KCNQ5: variants seen among roughly 807,000 people sequenced by gnomAD.
KCNQ5 encodes the protein potassium voltage-gated channel subfamily Q member 5, also known as potassium voltage-gated channel subfamily KQT member 5.
A neutral mutation model predicts 98.2 loss-of-function variants in KCNQ5; 30 were observed. The ratio of observed to expected loss-of-function variants is 0.31; its 90% CI spans 0.23 to 0.41. The LOEUF (loss-of-function observed/expected upper bound fraction) is 0.41, where lower values mean the gene tolerates loss of function less well. KCNQ5 is among the 10% of genes least tolerant of loss of function. The pLI is 1.00. For missense variants in KCNQ5, 835 were observed against 1,182.5 expected (o/e 0.71, Z 4.31); for synonymous variants, 458 against 449.4 (o/e 1.02, Z -0.24).
intron 1 of KCNQ5, among the ~76,000 whole-genome samples, chr6:72,643,697 A>G (rs1361574251): frequency 1.3e-5 from 2 of 152,166 alleles, no homozygotes; most frequent in Non-Finnish European, 2.9e-5. Flanking sequence ...AGCATTTCAG[A>G]TAAGGGATAC....
chr6:72,990,542 T>C (rs953053580), intron 1 of KCNQ5, among the ~76,000 whole-genome samples: 1 of 73,606 alleles, frequency 1.4e-5, no homozygotes, highest in Non-Finnish European at 2.5e-5. Context: ...GCTTATCAGC[T>C]TAAGGAGATT....
chr6:73,190,786 C>A, intron 12 of KCNQ5, 82 bp downstream of exon 12: 3 of 796,018 alleles, frequency 3.8e-6, no homozygotes, highest in South Asian at 4.0e-5. Flanking sequence ...TAGAGTAAAC[C>A]TCTGAACTCC....
chr6:72,746,227 G>C (rs1771399200), intron 1 of KCNQ5, among the ~76,000 whole-genome samples: 1 of 137,060 alleles, frequency 7.3e-6, no homozygotes, highest in Admixed American at 7.0e-5. Context: ...TATTCTGTGG[G>C]ATACTTCCCC....
intron 1 of KCNQ5, among the ~76,000 whole-genome samples, chr6:72,688,390 C>G (rs1768057116): frequency 1.3e-5 from 2 of 152,156 alleles, no homozygotes; most frequent in African/African-American, 4.8e-5. Flanking sequence ...TTATCTTTAT[C>G]CTTCTTCATT....
At chr6:73,078,925 G>C (rs1176144783) in intron 5 of KCNQ5, among the ~76,000 whole-genome samples, 1 of 152,106 alleles carries the variant, frequency 6.6e-6, no homozygotes, top group African/African-American at 2.4e-5. Context: ...GAATGACATG[G>C]GATATAGGAG....
chr6:72,848,867 C>G (rs1777123165), intron 1 of KCNQ5, among the ~76,000 whole-genome samples: 1 of 152,098 alleles, frequency 6.6e-6, no homozygotes, highest in Non-Finnish European at 1.5e-5. Flanking sequence ...TGTTTGCTTC[C>G]CCTTCTGCCA....
intron 6 of KCNQ5, among the ~76,000 whole-genome samples, chr6:73,110,218 A>AT (rs1475913358): frequency 6.6e-6 from 1 of 151,444 alleles, no homozygotes; most frequent in East Asian, 2.0e-4. Flanking sequence ...TTGAAGTTTA[A>AT]TAAAAAACTA....
chr6:73,148,617 T>C (rs1243135142), intron 10 of KCNQ5, among the ~76,000 whole-genome samples: 2 of 152,232 alleles, frequency 1.3e-5, no homozygotes, highest in Non-Finnish European at 2.9e-5. Context: ...ATGTTTTACC[T>C]GCCATAGGTA....
intron 1 of KCNQ5, among the ~76,000 whole-genome samples, chr6:72,674,184 GTCTA>G (rs1164601364): frequency 1.3e-5 from 2 of 151,888 alleles, no homozygotes; most frequent in South Asian, 2.1e-4. Flanking sequence ...CTGCCTATCT[GTCTA>G]TCTATCTGTC....
chr6:73,124,702 A>G, intron 9 of KCNQ5, 190 bp downstream of exon 9: 1 of 608,680 alleles, frequency 1.6e-6, no homozygotes, highest in Non-Finnish European at 2.9e-6. Context: ...GTCTTTCCCT[A>G]ACTCACTCCC....
At chr6:73,068,434 T>G (rs758087996) in intron 3 of KCNQ5, among the ~76,000 whole-genome samples, 1 of 152,232 alleles carries the variant, frequency 6.6e-6, no homozygotes, top group Non-Finnish European at 1.5e-5. Context: ...CATAATGTTT[T>G]GTGGCTGTAT....
At chr6:72,776,031 CTAATG>C (rs1192839618) in intron 1 of KCNQ5, among the ~76,000 whole-genome samples, 1 of 152,148 alleles carries the variant, frequency 6.6e-6, no homozygotes, top group East Asian at 1.9e-4. Flanking sequence ...AGGTACCCTA[CTAATG>C]TAATATGTTA....
intron 1 of KCNQ5, among the ~76,000 whole-genome samples, chr6:72,985,428 G>A (rs929681015): frequency 6.6e-6 from 1 of 152,068 alleles, no homozygotes; most frequent in African/African-American, 2.4e-5. Context: ...ACATTCCCCT[G>A]TCCCCAAAAA....
At chr6:73,055,301 G>A in intron 3 of KCNQ5, 2 of 1,407,710 alleles carry the variant, frequency 1.4e-6, no homozygotes, top group Non-Finnish European at 2.0e-6. Context: ...GACAGTGCTA[G>A]ATGCCATTGA....
intron 1 of KCNQ5, among the ~76,000 whole-genome samples, chr6:72,746,957 G>T (rs537304931): frequency 1.3e-5 from 2 of 152,174 alleles, no homozygotes; most frequent in South Asian, 4.1e-4. Context: ...AAAAGATTAT[G>T]TGTTACACTC....
chr6:72,807,011 T>A (rs1774992916), intron 1 of KCNQ5: 2 of 236,340 alleles, frequency 8.5e-6, no homozygotes, highest in South Asian at 8.6e-5. Flanking sequence ...TGGACATTTG[T>A]CAATGAGAAT....
chr6:72,962,824 G>C (rs980027453), intron 1 of KCNQ5, among the ~76,000 whole-genome samples: 1 of 152,126 alleles, frequency 6.6e-6, no homozygotes, highest in African/African-American at 2.4e-5. Flanking sequence ...CTGTCCCTCT[G>C]CAAAGGACCT....
intron 1 of KCNQ5, among the ~76,000 whole-genome samples, chr6:72,708,577 G>A (rs1769207389): frequency 6.6e-6 from 1 of 152,148 alleles, no homozygotes; most frequent in Non-Finnish European, 1.5e-5. Flanking sequence ...CTGGAGTGCA[G>A]TGCTGCAATC....
intron 1 of KCNQ5, among the ~76,000 whole-genome samples, chr6:72,741,639 G>A (rs1344261386): frequency 1.3e-5 from 2 of 152,110 alleles, no homozygotes; most frequent in Non-Finnish European, 2.9e-5. Flanking sequence ...CATTAGAATA[G>A]GAAAGACATA....
Sources: gnomAD v4.1 joint callset for allele counts (sites outside exome capture counted in the v4.1 genomes callset) on GRCh38, gnomAD v4.1.1 for gene constraint, MANE v1.5 for transcripts, NCBI Gene and HGNC (gene_info 2026-07-23, HGNC 2026-07-21) for gene names.